HS6ST3: variants seen among roughly 807,000 people sequenced by gnomAD.
The protein encoded by HS6ST3 is heparan-sulfate 6-O-sulfotransferase 3.
A neutral mutation model predicts 36.7 loss-of-function variants in HS6ST3; 12 were observed. That is an observed-to-expected ratio of 0.33 (90% CI 0.21 to 0.53). HS6ST3 has a LOEUF of 0.53. Among genes scored for constraint, HS6ST3 ranks in the 20% least tolerant of loss-of-function variants. HS6ST3 has a pLI of 0.95. For missense variants in HS6ST3, 584 were observed against 640.9 expected (o/e 0.91, Z 0.96); for synonymous variants, 240 against 257.5 (o/e 0.93, Z 0.65).
intron 1 of HS6ST3, among the ~76,000 whole-genome samples, chr13:96,672,235 A>G (rs1489163021): frequency 6.6e-6 from 1 of 152,166 alleles, no homozygotes; most frequent in Non-Finnish European, 1.5e-5. Context: ...GTCAATGTTT[A>G]CTTTATTATG....
intron 1 of HS6ST3, among the ~76,000 whole-genome samples, chr13:96,338,859 C>T (rs1479819889): frequency 6.6e-6 from 1 of 152,158 alleles, no homozygotes; most frequent in African/African-American, 2.4e-5. Context: ...TCTGGAGGAA[C>T]TAACTTACAC....
At chr13:96,201,219 C>T (rs1473552429) in intron 1 of HS6ST3, among the ~76,000 whole-genome samples, 1 of 152,040 alleles carries the variant, frequency 6.6e-6, no homozygotes, top group African/African-American at 2.4e-5. Flanking sequence ...GGTGAAATTC[C>T]TTGCCTCCAA....
In HS6ST3 at chr13:96,260,431, C is replaced by T. The variant is rs1375235526; in HGVS notation, c.707+168862C>T. Among the ~76,000 whole-genome samples the T allele has an allele frequency of 2.0e-5, 3 of 151,884 alleles. No individual in the cohort carries two copies. The East Asian group carries it at 5.8e-4, about 29-fold the overall frequency. ...GGTTCAAGCCATTCTCCTGCCTCAGCCTCCCAAGTAGCTGGGACTACAGGT... is the reference window on the plus strand; with the variant it reads ...GGTTCAAGCCATTCTCCTGCCTCAGTCTCCCAAGTAGCTGGGACTACAGGT... On this transcript the variant is annotated intron_variant, in intron 1 of 1. Coordinates refer to ENST00000376705, the MANE Select transcript of HS6ST3 (RefSeq NM_153456.4).
intron 1 of HS6ST3, among the ~76,000 whole-genome samples, chr13:96,356,616 A>T (rs1237257154): frequency 1.3e-5 from 2 of 152,228 alleles, no homozygotes; most frequent in African/African-American, 4.8e-5. Flanking sequence ...GCTTAAAATA[A>T]TGAGTAAACC....
At chr13:96,124,466 AATAAG>A (rs143595249) in intron 1 of HS6ST3, among the ~76,000 whole-genome samples, 3,059 of 152,298 alleles carry the variant, frequency 0.02, 88 homozygotes, top group African/African-American at 0.067. Flanking sequence ...AAATAACTAA[AATAAG>A]ATAAATGAAG....
chr13:96,680,590 C>T (rs1315027267), intron 1 of HS6ST3, among the ~76,000 whole-genome samples: 3 of 152,046 alleles, frequency 2.0e-5, no homozygotes, highest in African/African-American at 7.2e-5. Flanking sequence ...TACTAGCACA[C>T]CTGAGGGAAG....
chr13:96,587,639 C>T (rs1168200859), intron 1 of HS6ST3, among the ~76,000 whole-genome samples: 1 of 152,186 alleles, frequency 6.6e-6, no homozygotes, highest in Admixed American at 6.5e-5. Flanking sequence ...TTTATAACCA[C>T]TTACTCTTGT....
intron 1 of HS6ST3, among the ~76,000 whole-genome samples, chr13:96,617,878 T>G (rs1353943593): frequency 6.6e-6 from 1 of 152,198 alleles, no homozygotes; most frequent in Non-Finnish European, 1.5e-5. Flanking sequence ...AAAAGAAGCC[T>G]TAGGTCTTCT....
intron 1 of HS6ST3, among the ~76,000 whole-genome samples, chr13:96,126,345 A>G (rs2053950941): frequency 6.6e-6 from 1 of 152,214 alleles, no homozygotes; most frequent in Admixed American, 6.5e-5. Context: ...GATTGATGCT[A>G]CAGTTTGCTG....
intron 1 of HS6ST3, among the ~76,000 whole-genome samples, chr13:96,830,176 A>C (rs1406779904): frequency 3.3e-5 from 5 of 152,174 alleles, no homozygotes; most frequent in African/African-American, 1.2e-4. Context: ...TATTCCAAGC[A>C]CGTTTAAGTT....
intron 1 of HS6ST3, among the ~76,000 whole-genome samples, chr13:96,261,505 G>A (rs2054666475): frequency 6.6e-6 from 1 of 152,048 alleles, no homozygotes; most frequent in African/African-American, 2.4e-5. Flanking sequence ...TTTATTTTCA[G>A]TATTAAATAT....
At chr13:96,582,384 A>C (rs1175774780) in intron 1 of HS6ST3, among the ~76,000 whole-genome samples, 1 of 152,250 alleles carries the variant, frequency 6.6e-6, no homozygotes, top group Non-Finnish European at 1.5e-5. Context: ...ATTTAAAAGA[A>C]ATTTCCAAAG....
chr13:96,801,172 C>G (rs1878058608), intron 1 of HS6ST3, among the ~76,000 whole-genome samples: 1 of 152,090 alleles, frequency 6.6e-6, no homozygotes, highest in Non-Finnish European at 1.5e-5. Context: ...TCTTTTCCCA[C>G]TTACATCAAG....
At position 96,334,715 on chromosome 13, in the gene HS6ST3, A is replaced by G. The variant is rs184560276; in HGVS notation, c.707+243146A>G. 4.9e-3 allele frequency among the ~76,000 whole-genome samples: 751 copies of G among 152,162 alleles called. 1 individual carries two copies. The highest frequency in any genetic ancestry group is 0.012 in the Admixed American group (191 of 15,282). On this transcript the variant is annotated intron_variant, in intron 1 of 1. Transcript: ENST00000376705. ...TGTGAGACTTATTCACTACCACAAA[A>G]ACAGTATGGGGGAAACCGCCCCCAT...
At chr13:96,257,756 T>C (rs2054644126) in intron 1 of HS6ST3, among the ~76,000 whole-genome samples, 1 of 152,098 alleles carries the variant, frequency 6.6e-6, no homozygotes, top group Non-Finnish European at 1.5e-5. Context: ...GACATAAACA[T>C]GGGAATAAAG....
At chr13:96,133,389 G>T (rs916775090) in intron 1 of HS6ST3, among the ~76,000 whole-genome samples, 7 of 151,894 alleles carry the variant, frequency 4.6e-5, no homozygotes, top group African/African-American at 1.7e-4. Flanking sequence ...GTCTCCCAAA[G>T]TGCTGGAATT....
intron 1 of HS6ST3, among the ~76,000 whole-genome samples, chr13:96,119,339 CAG>C (rs2053914078): frequency 6.6e-6 from 1 of 151,984 alleles, no homozygotes; most frequent in Non-Finnish European, 1.5e-5. Context: ...TTGGAAAAAA[CAG>C]AGTGATGTTT....
chr13:96,494,532 T>TAA (rs1358526124), intron 1 of HS6ST3, among the ~76,000 whole-genome samples: 1 of 149,820 alleles, frequency 6.7e-6, no homozygotes, highest in African/African-American at 2.5e-5. Context: ...CCCTAAAACT[T>TAA]AAAGTATAAT....
intron 1 of HS6ST3, among the ~76,000 whole-genome samples, chr13:96,091,986 G>A (rs1024581037): frequency 1.3e-5 from 2 of 152,162 alleles, no homozygotes; most frequent in Admixed American, 6.5e-5. Flanking sequence ...AAAGGAAGGG[G>A]GAGTAGAGAG....
Sources: gnomAD v4.1 joint callset for allele counts (sites outside exome capture counted in the v4.1 genomes callset) on GRCh38, gnomAD v4.1.1 for gene constraint, MANE v1.5 for transcripts, NCBI Gene and HGNC (gene_info 2026-07-23, HGNC 2026-07-21) for gene names.